SAMSN1: variants seen among roughly 807,000 people sequenced by gnomAD.
SAMSN1 encodes SAM domain-containing protein SAMSN-1.
Under a neutral mutation model 42.0 loss-of-function variants are expected in SAMSN1, and 31 were observed. The observed-to-expected ratio is 0.74, with a 90% CI of 0.55 to 1.00. The LOEUF is 1.00. SAMSN1 is among the 50% of genes least tolerant of loss of function. SAMSN1 has a pLI of 0.00. For missense variants in SAMSN1, 464 were observed against 439.4 expected (o/e 1.06, Z -0.50); for synonymous variants, 178 against 151.9 (o/e 1.17, Z -1.26).
chr21:14,657,241 C>T (rs1166247213), intron 1 of SAMSN1, among the ~76,000 whole-genome samples: 2 of 151,780 alleles, frequency 1.3e-5, no homozygotes, highest in Non-Finnish European at 2.9e-5. Context: ...AATTTGATAA[C>T]ATAAACTTTG....
intron 2 of SAMSN1, among the ~76,000 whole-genome samples, chr21:14,568,134 T>C (rs184766752): frequency 1.1e-3 from 164 of 152,326 alleles, no homozygotes; most frequent in Non-Finnish European, 2.0e-3. Flanking sequence ...GAAATACCGC[T>C]TTAGAACATA....
intron 7 of SAMSN1, among the ~76,000 whole-genome samples, chr21:14,491,814 A>G (rs1170317058): frequency 6.6e-6 from 1 of 152,204 alleles, no homozygotes; most frequent in East Asian, 1.9e-4. Flanking sequence ...AAGAGGGTAG[A>G]GATAAAATTT....
At chr21:14,588,657 C>T (rs1016581784) in intron 7 of SAMSN1, among the ~76,000 whole-genome samples, 4 of 152,160 alleles carry the variant, frequency 2.6e-5, no homozygotes, top group African/African-American at 9.7e-5. Context: ...TCAGTGAAGG[C>T]CATCTTCATC....
chr21:14,656,829 T>G (rs1977015), intron 1 of SAMSN1, among the ~76,000 whole-genome samples: 117,425 of 151,604 alleles, frequency 0.77, 46,077 homozygotes, highest in Middle Eastern at 0.89. Flanking sequence ...TCATTCTTTC[T>G]TTAGCAGTGA....
At chr21:14,557,393 C>T (rs1360282001) in intron 2 of SAMSN1, among the ~76,000 whole-genome samples, 1 of 152,176 alleles carries the variant, frequency 6.6e-6, no homozygotes, top group African/African-American at 2.4e-5. Flanking sequence ...CATCCTCTCT[C>T]CTTCAGGGAC....
At chr21:14,582,142 A>G (rs1981752526) in exon 2 of SAMSN1, 1 of 1,544,342 alleles carries the variant, frequency 6.5e-7, no homozygotes, top group Admixed American at 2.0e-5. Context: ...TTACCCATGA[A>G]TGTAGGAGAT....
chr21:14,525,969 A>T (rs945402894), intron 1 of SAMSN1, among the ~76,000 whole-genome samples: 3 of 151,956 alleles, frequency 2.0e-5, no homozygotes, highest in Admixed American at 6.6e-5. Context: ...GATTGAAGCG[A>T]TTCTCCTGCC....
chr21:14,571,613 G>A (rs991427500), intron 2 of SAMSN1, among the ~76,000 whole-genome samples: 2 of 152,120 alleles, frequency 1.3e-5, no homozygotes, highest in African/African-American at 4.8e-5. Flanking sequence ...GATATATTAT[G>A]ACTTTGAAAT....
chr21:14,538,002 CT>C (rs1369852703), intron 1 of SAMSN1, among the ~76,000 whole-genome samples: 6 of 152,110 alleles, frequency 3.9e-5, no homozygotes, highest in Non-Finnish European at 8.8e-5. Context: ...TCATTTTCTC[CT>C]GACTTGTCTT....
At chr21:14,570,338 T>G (rs1981260414) in intron 2 of SAMSN1, among the ~76,000 whole-genome samples, 1 of 152,192 alleles carries the variant, frequency 6.6e-6, no homozygotes. Flanking sequence ...CAATTTCCCT[T>G]GAAACCTTGC....
chr21:14,637,205 GA>G (rs1983490516), intron 2 of SAMSN1, among the ~76,000 whole-genome samples: 1 of 152,246 alleles, frequency 6.6e-6, no homozygotes, highest in African/African-American at 2.4e-5. Flanking sequence ...CCAAAGGTGA[GA>G]TTTTTTTCGC....
chr21:14,500,085 C>T (rs1326587599), intron 6 of SAMSN1, among the ~76,000 whole-genome samples: 1 of 152,116 alleles, frequency 6.6e-6, no homozygotes, highest in African/African-American at 2.4e-5. Context: ...CCTCAAATTA[C>T]TTTTAAAATG....
At chr21:14,531,747 A>G (rs1979281527) in intron 1 of SAMSN1, among the ~76,000 whole-genome samples, 1 of 152,224 alleles carries the variant, frequency 6.6e-6, no homozygotes, top group South Asian at 2.1e-4. Context: ...CTTTGAAATT[A>G]TGGTTAAATA....
chr21:14,626,334 G>A (rs1983169484), intron 2 of SAMSN1, among the ~76,000 whole-genome samples: 1 of 152,300 alleles, frequency 6.6e-6, no homozygotes, highest in Middle Eastern at 3.4e-3. Flanking sequence ...CCATCAGAGT[G>A]AACAGGCAAC....
At chr21:14,649,480 T>C (rs1465324108) in intron 1 of SAMSN1, among the ~76,000 whole-genome samples, 1 of 151,812 alleles carries the variant, frequency 6.6e-6, no homozygotes, top group East Asian at 1.9e-4. Flanking sequence ...TTAAAGCACA[T>C]ACAGACTGGC....
intron 2 of SAMSN1, among the ~76,000 whole-genome samples, chr21:14,640,628 T>C (rs928712472): frequency 6.8e-6 from 1 of 147,252 alleles, no homozygotes; most frequent in Admixed American, 6.9e-5. Flanking sequence ...TAACTGGGGA[T>C]ACTAAGAAAG....
At chr21:14,577,048 C>CTTTTTTTTTTT (rs991163598) in intron 2 of SAMSN1, among the ~76,000 whole-genome samples, 1 of 54,916 alleles carries the variant, frequency 1.8e-5, no homozygotes, top group African/African-American at 7.3e-5. Flanking sequence ...GCATCCGTTT[C>CTTTTTTTTTTT]TTTTTTTTTT....
At chr21:14,603,316 C>G (rs1462118163) in intron 5 of SAMSN1, among the ~76,000 whole-genome samples, 1 of 152,146 alleles carries the variant, frequency 6.6e-6, no homozygotes. Flanking sequence ...GTTCTAGAAT[C>G]TGGAATCAAG....
intron 5 of SAMSN1, among the ~76,000 whole-genome samples, chr21:14,505,880 T>A (rs1247874565): frequency 1.3e-5 from 2 of 152,122 alleles, no homozygotes; most frequent in Non-Finnish European, 2.9e-5. Flanking sequence ...TATAAAAAAA[T>A]TGAAATTATA....
Sources: gnomAD v4.1 joint callset for allele counts (sites outside exome capture counted in the v4.1 genomes callset) on GRCh38, gnomAD v4.1.1 for gene constraint, MANE v1.5 for transcripts, NCBI Gene and HGNC (gene_info 2026-07-23, HGNC 2026-07-21) for gene names.